SNX30: variants seen among roughly 807,000 people sequenced by gnomAD.
The protein encoded by SNX30 is sorting nexin-30.
In SNX30, 24 loss-of-function variants were observed where a neutral mutation model predicts 46.4. The observed-to-expected ratio is 0.52, with a 90% confidence interval of 0.37 to 0.73. The LOEUF is 0.73. SNX30 is among the 30% of genes least tolerant of loss of function. SNX30 has a pLI of 0.00. For synonymous variants in SNX30, 189 were observed against 211.5 expected, an observed-to-expected ratio of 0.89 and a Z score of 0.92; for missense variants, 533 against 555.7, an observed-to-expected ratio of 0.96 and a Z score of 0.41.
At chr9:112,868,640 T>A (rs1841398684) in intron 8 of SNX30, 144 bp from the exon 9 acceptor site, 1 of 766,822 alleles carries the variant, frequency 1.3e-6, no homozygotes, top group South Asian at 1.6e-5. Context: ...CCGTTTGTAA[T>A]AGTTATGGAT....
intron 4 of SNX30, among the ~76,000 whole-genome samples, chr9:112,832,084 A>T (rs974941845): frequency 6.6e-5 from 10 of 152,172 alleles, no homozygotes; most frequent in Non-Finnish European, 1.2e-4. Context: ...TGGAAGCCGC[A>T]TGACAGAGTC....
chr9:112,828,677 TTCTC>T (rs1326192858), intron 3 of SNX30, among the ~76,000 whole-genome samples: 2 of 152,202 alleles, frequency 1.3e-5, no homozygotes, highest in African/African-American at 2.4e-5. Flanking sequence ...AATGGCAGTG[TTCTC>T]TCTGTCAAGT....
At chr9:112,861,750 C>G (rs556164070) in intron 7 of SNX30, among the ~76,000 whole-genome samples, 1 of 152,136 alleles carries the variant, frequency 6.6e-6, no homozygotes, top group Non-Finnish European at 1.5e-5. Flanking sequence ...TGTCTTCTCT[C>G]CTCTGTCCCT....
chr9:112,840,119 T>C (rs1840831814), intron 6 of SNX30, among the ~76,000 whole-genome samples: 1 of 152,230 alleles, frequency 6.6e-6, no homozygotes, highest in Non-Finnish European at 1.5e-5. Flanking sequence ...GTGTGCGTTA[T>C]AAAGTTGCTA....
At chr9:112,817,175 T>G (rs1840409479) in intron 2 of SNX30, among the ~76,000 whole-genome samples, 1 of 152,124 alleles carries the variant, frequency 6.6e-6, no homozygotes, top group South Asian at 2.1e-4. Flanking sequence ...TTATCTTTAC[T>G]TTTTGTTTAT....
At chr9:112,776,907 C>G (rs1269837080) in intron 1 of SNX30, among the ~76,000 whole-genome samples, 1 of 152,182 alleles carries the variant, frequency 6.6e-6, no homozygotes, top group Non-Finnish European at 1.5e-5. Context: ...AATACCCTTC[C>G]TCTTTTCCTT....
At chr9:112,811,428 G>A (rs1427094623) in intron 2 of SNX30, among the ~76,000 whole-genome samples, 2 of 152,168 alleles carry the variant, frequency 1.3e-5, no homozygotes, top group Middle Eastern at 3.2e-3. Context: ...TGTTGGGCAT[G>A]TCAGCTCTTG....
intron 1 of SNX30, among the ~76,000 whole-genome samples, chr9:112,804,444 C>T (rs979984520): frequency 1.3e-5 from 2 of 152,218 alleles, no homozygotes; most frequent in Admixed American, 6.5e-5. Flanking sequence ...GGATTACAGG[C>T]GTGAGCCACT....
At chr9:112,777,816 G>C (rs1407295742) in intron 1 of SNX30, among the ~76,000 whole-genome samples, 3 of 151,998 alleles carry the variant, frequency 2.0e-5, no homozygotes, top group Non-Finnish European at 2.9e-5. Context: ...GCCACGCATT[G>C]TATCATACCC....
Position 112,750,845 on chromosome 9 carries a change from G to A in SNX30, c.-157G>A. ...GGAGCGGAGCGTCTGAGCGCCGGCA[G>A]AGACCAGCCGGCGGGTGGCGGCGGC... is the stretch of plus-strand genomic sequence containing the variant. On this transcript the variant is annotated 5_prime_UTR_variant, in exon 1 of 9. Transcript: ENST00000374232. The A allele has an allele frequency of 1.4e-5, 8 of 565,706 alleles. No homozygotes were observed. The highest frequency in any genetic ancestry group is 1.8e-5 in the Non-Finnish European group (8 of 440,686). 35.0% of individuals were successfully genotyped at this position (565,706 alleles called of 1,614,324 possible).
rs1164590541 is a variant in SNX30 at position 112,846,476 on chromosome 9, A to G, written c.1015-4383A>G. On this transcript the variant is annotated intron_variant, in intron 6 of 8. Transcript: ENST00000374232. ...GAGCATGTTGAAAGGGGTAACCTGA[A>G]CTCAGTCATTTAACCAGAGCTAGTG... Among the ~76,000 whole-genome samples, 3 of 152,072 alleles carry G rather than the reference A, an allele frequency of 2.0e-5. No individual in the cohort carries two copies. The South Asian group carries it at 6.2e-4, about 32-fold the overall frequency.
At chr9:112,759,071 G>A (rs1564258404) in intron 1 of SNX30, among the ~76,000 whole-genome samples, 1 of 151,908 alleles carries the variant, frequency 6.6e-6, no homozygotes, top group Non-Finnish European at 1.5e-5. Flanking sequence ...TTGCTTTGTT[G>A]CCCAGGCTGG....
intron 6 of SNX30, 68 bp downstream of exon 6, chr9:112,838,765 A>T: frequency 2.1e-6 from 3 of 1,458,332 alleles, no homozygotes; most frequent in Non-Finnish European, 2.9e-6. Context: ...AAAGTAATGG[A>T]TTATTGCCTG....
chr9:112,808,231 T>C (rs936038198), intron 2 of SNX30, among the ~76,000 whole-genome samples: 2 of 152,252 alleles, frequency 1.3e-5, no homozygotes, highest in Admixed American at 6.5e-5. Context: ...ACGAAGTTAA[T>C]GGTCAGAGGA....
At chr9:112,867,423 ACTC>A (rs1336567524) in intron 8 of SNX30, among the ~76,000 whole-genome samples, 1 of 130,154 alleles carries the variant, frequency 7.7e-6, no homozygotes, top group Non-Finnish European at 1.6e-5. Context: ...CCTCCTCAGA[ACTC>A]CTCCTCCTTC....
chr9:112,775,154 CT>C (rs1167634002), intron 1 of SNX30, among the ~76,000 whole-genome samples: 13,822 of 113,816 alleles, frequency 0.12, 760 homozygotes, highest in African/African-American at 0.2. Flanking sequence ...TTTTTTCTTT[CT>C]TTTTTTTTTT....
intron 1 of SNX30, among the ~76,000 whole-genome samples, chr9:112,765,673 G>A (rs577196534): frequency 7.9e-5 from 12 of 152,246 alleles, no homozygotes; most frequent in Admixed American, 1.3e-4. Flanking sequence ...GACAAAAATT[G>A]TATAGACTTA....
chr9:112,834,843 AACAC>A (rs79118828), intron 4 of SNX30, among the ~76,000 whole-genome samples: 1,137 of 78,396 alleles, frequency 0.015, 19 homozygotes, highest in East Asian at 0.13. Flanking sequence ...CACACACACA[AACAC>A]ACACACACAC....
chr9:112,770,453 G>A (rs1425424051), intron 1 of SNX30, among the ~76,000 whole-genome samples: 1 of 151,874 alleles, frequency 6.6e-6, no homozygotes, highest in Non-Finnish European at 1.5e-5. Flanking sequence ...TTACAGGTAT[G>A]AGCCACCGCG....
Sources: allele counts gnomAD v4.1 joint callset (sites outside exome capture counted in the v4.1 genomes callset), GRCh38; gene constraint gnomAD v4.1.1; transcripts MANE v1.5; gene names NCBI Gene and HGNC (gene_info 2026-07-23, HGNC 2026-07-21).